SPTLC3: variants seen among roughly 807,000 people sequenced by gnomAD.
The protein encoded by SPTLC3 is serine palmitoyltransferase 3.
A neutral mutation model predicts 59.3 loss-of-function variants in SPTLC3; 36 were observed. That is an observed-to-expected ratio of 0.61 (90% CI 0.47 to 0.80). The LOEUF is 0.80. SPTLC3 is among the 30% of genes least tolerant of loss of function. The pLI, the probability that SPTLC3 is intolerant of heterozygous loss-of-function variation, is 0.00. For missense variants in SPTLC3, 625 were observed against 685.1 expected, an observed-to-expected ratio of 0.91 and a Z score of 0.98; for synonymous variants, 257 against 240.8, an observed-to-expected ratio of 1.07 and a Z score of -0.62.
At position 13,049,075 on chromosome 20, in the gene SPTLC3, T is replaced by C; in HGVS notation, c.248T>C (p.Leu83Ser). ...GTLFGYLRDF[L>S]RNWGIEKCNA... ...CTGTTTGGCTATCTCAGAGACTTTT[T>C]AAGAAACTGGGGAATAGAAAAATGC... Residue 83 changes from leucine to serine, a missense_variant, in exon 2 of 12, where the codon TTA becomes TCA. Transcript: ENST00000399002. The C allele has an allele frequency of 6.2e-7, 1 of 1,613,910 alleles. No homozygotes were observed. The highest frequency in any genetic ancestry group is 8.5e-7 in the Non-Finnish European group (1 of 1,179,886).
At chr20:13,046,855 T>G (rs1478603748) in intron 1 of SPTLC3, among the ~76,000 whole-genome samples, 1 of 152,168 alleles carries the variant, frequency 6.6e-6, no homozygotes, top group Non-Finnish European at 1.5e-5. Context: ...ACAAATGCCC[T>G]ATATACAAGC....
Position 13,009,188 on chromosome 20 carries a change from C to T in SPTLC3, c.-80C>T. The stretch of plus-strand genomic sequence containing the variant: ...GGCTCAGCCCCAAAGAGCTTTATCC[C>T]ATCCCCTCGCAGACTGAAAACTAAA... On this transcript the variant is annotated 5_prime_UTR_variant, in exon 1 of 12. Coordinates refer to ENST00000399002, the MANE Select transcript of SPTLC3 (RefSeq NM_018327.4). 2.7e-6 allele frequency: 3 copies of T among 1,115,504 alleles called. No homozygotes were observed. The highest frequency in any genetic ancestry group is 1.3e-5 in the South Asian group (1 of 74,828). 69.1% of individuals were successfully genotyped at this position (1,115,504 alleles called of 1,614,324 possible). A position where few individuals can be genotyped will look rare whatever the true frequency, so the allele number is the denominator to read the frequency against.
At position 13,165,139 on chromosome 20, in the gene SPTLC3, A is replaced by G; in HGVS notation, c.*272A>G. 1 of 355,156 alleles carries G rather than the reference A, an allele frequency of 2.8e-6. No homozygotes were observed. Among genetic ancestry groups the G allele is most frequent in the Non-Finnish European group, 5.1e-6 (1 of 195,266 alleles). The allele number at this position is 355,156 out of a possible 1,614,324, so 22.0% of individuals were successfully genotyped here. On this transcript the variant is annotated 3_prime_UTR_variant, in exon 12 of 12. Transcript: ENST00000399002. Reference sequence around the variant, plus strand: ...ACACACACTTCTGAGAATATTTTTAATGGCAATAAGCCTGTGTTTTAGCTG... The same window carrying G: ...ACACACACTTCTGAGAATATTTTTAGTGGCAATAAGCCTGTGTTTTAGCTG...
intron 10 of SPTLC3, among the ~76,000 whole-genome samples, chr20:13,156,994 T>C (rs1316980338): frequency 6.6e-6 from 1 of 152,238 alleles, no homozygotes; most frequent in Non-Finnish European, 1.5e-5. Flanking sequence ...CTTGTTTCTT[T>C]CAACTTAAGA....
chr20:13,032,530 A>G (rs1986535718), intron 1 of SPTLC3, among the ~76,000 whole-genome samples: 2 of 152,308 alleles, frequency 1.3e-5, no homozygotes, highest in African/African-American at 4.8e-5. Flanking sequence ...AGGCCCAGCC[A>G]GAGGCCCATG....
At chr20:13,119,647 TTC>T (rs910184824) in intron 8 of SPTLC3, among the ~76,000 whole-genome samples, 29 of 152,306 alleles carry the variant, frequency 1.9e-4, no homozygotes, top group Middle Eastern at 3.4e-3. Flanking sequence ...CTCCCCACCT[TTC>T]TCTGTCTTCT....
At chr20:13,127,757 C>G (rs1313002441) in intron 9 of SPTLC3, among the ~76,000 whole-genome samples, 1 of 152,138 alleles carries the variant, frequency 6.6e-6, no homozygotes, top group Non-Finnish European at 1.5e-5. Context: ...TTCACTAAAG[C>G]AGGGTAAAGG....
chr20:13,080,840 T>A (rs928627577), intron 4 of SPTLC3, among the ~76,000 whole-genome samples: 1 of 152,180 alleles, frequency 6.6e-6, no homozygotes, highest in African/African-American at 2.4e-5. Context: ...TGTTCAAGAA[T>A]AATCATTGCA....
intron 9 of SPTLC3, among the ~76,000 whole-genome samples, chr20:13,133,795 A>G (rs75632672): frequency 0.014 from 2,100 of 152,302 alleles, 22 homozygotes; most frequent in Non-Finnish European, 0.02. Context: ...CAGTGATTGT[A>G]GGCTGGACAG....
In SPTLC3 at chr20:13,159,992, T is replaced by A; in HGVS notation, c.1416-11T>A. The A allele has an allele frequency of 6.5e-7, 1 of 1,540,926 alleles. No individual in the cohort carries two copies. Among genetic ancestry groups the A allele is most frequent in the South Asian group, 1.3e-5 (1 of 79,794 alleles). On this transcript the variant is annotated splice_polypyrimidine_tract_variant and intron_variant, in intron 10 of 11. Transcript: ENST00000399002. ...CCACTTTTTTTTTTTCTTTTTTTGC[T>A]TTTCCTTAAGGGCTTTTGCAAGGCA...
At chr20:13,074,176 G>C in intron 3 of SPTLC3, 173 bp from the exon 4 acceptor site, 1 of 883,794 alleles carries the variant, frequency 1.1e-6, no homozygotes, top group Non-Finnish European at 1.9e-6. Flanking sequence ...CTCTAGGACA[G>C]ACTGAACCAC....
chr20:13,047,349 A>T (rs1987275311), intron 1 of SPTLC3, among the ~76,000 whole-genome samples: 2 of 152,150 alleles, frequency 1.3e-5, no homozygotes, highest in South Asian at 4.1e-4. Context: ...CAGTATTTCA[A>T]ATGTACACGA....
intron 4 of SPTLC3, among the ~76,000 whole-genome samples, chr20:13,089,797 A>AC (rs1286364831): frequency 1.4e-5 from 2 of 144,160 alleles, no homozygotes; most frequent in Non-Finnish European, 3.0e-5. Context: ...AAAAAAAAAA[A>AC]AAAAAAACAA....
intron 8 of SPTLC3, among the ~76,000 whole-genome samples, chr20:13,125,600 C>T (rs1043768727): frequency 2.6e-5 from 4 of 152,224 alleles, no homozygotes; most frequent in Non-Finnish European, 5.9e-5. Flanking sequence ...TCTGGGCTTG[C>T]TTCTGTACAA....
chr20:13,055,436 G>T (rs1278148157), intron 2 of SPTLC3, among the ~76,000 whole-genome samples: 1 of 151,968 alleles, frequency 6.6e-6, no homozygotes, highest in Non-Finnish European at 1.5e-5. Context: ...TGTTCTAGAG[G>T]CTCTTATCAC....
chr20:13,085,544 A>T (rs1428839688), intron 4 of SPTLC3, among the ~76,000 whole-genome samples: 1 of 152,222 alleles, frequency 6.6e-6, no homozygotes, highest in Non-Finnish European at 1.5e-5. Context: ...GTTTATGAAC[A>T]GGACATTCTG....
chr20:13,155,579 C>T (rs2038749502), intron 10 of SPTLC3, among the ~76,000 whole-genome samples: 1 of 152,168 alleles, frequency 6.6e-6, no homozygotes, highest in Non-Finnish European at 1.5e-5. Flanking sequence ...GTAATCCCAT[C>T]ACTTTGGGAG....
intron 4 of SPTLC3, among the ~76,000 whole-genome samples, chr20:13,090,736 G>T (rs1053704093): frequency 6.6e-6 from 1 of 152,152 alleles, no homozygotes; most frequent in Non-Finnish European, 1.5e-5. Context: ...TTGTCTGGTT[G>T]CATATTTTAT....
intron 3 of SPTLC3, among the ~76,000 whole-genome samples, chr20:13,073,171 T>C (rs1434739433): frequency 6.6e-6 from 1 of 151,994 alleles, no homozygotes; most frequent in Non-Finnish European, 1.5e-5. Context: ...ACCATATCTT[T>C]GTACCTGTTA....
Sources: gnomAD v4.1 joint callset for allele counts (sites outside exome capture counted in the v4.1 genomes callset) on GRCh38, gnomAD v4.1.1 for gene constraint, MANE v1.5 for transcripts, NCBI Gene and HGNC (gene_info 2026-07-23, HGNC 2026-07-21) for gene names.